The following MINDY4 variants were observed in gnomAD, a reference collection of about 807,000 sequenced individuals.
MINDY4 encodes MINDY lysine 48 deubiquitinase 4.
In MINDY4, 68 loss-of-function variants were observed where a neutral mutation model predicts 87.0. The ratio of observed to expected loss-of-function variants is 0.78; its 90% CI spans 0.64 to 0.96. MINDY4 has a LOEUF of 0.96. MINDY4 is among the 40% of genes least tolerant of loss of function. MINDY4 has a pLI of 0.00. For missense variants in MINDY4, 919 were observed against 928.2 expected, an observed-to-expected ratio of 0.99 and a Z score of 0.13; for synonymous variants, 379 against 363.2, an observed-to-expected ratio of 1.04 and a Z score of -0.50.
At chr7:30,792,841 C>T (rs1787365530) in intron 5 of MINDY4, among the ~76,000 whole-genome samples, 1 of 151,866 alleles carries the variant, frequency 6.6e-6, no homozygotes, top group Admixed American at 6.6e-5. Flanking sequence ...TTGACCTCTG[C>T]TCTTATTTTT....
chr7:30,870,243 T>C (rs532471202), intron 13 of MINDY4, among the ~76,000 whole-genome samples: 4 of 152,342 alleles, frequency 2.6e-5, no homozygotes, highest in South Asian at 2.1e-4. Flanking sequence ...AATGATCTTA[T>C]GAAGATTGGA....
At chr7:30,886,519 C>A (rs1325416718) in intron 17 of MINDY4, among the ~76,000 whole-genome samples, 1 of 152,204 alleles carries the variant, frequency 6.6e-6, no homozygotes, top group Non-Finnish European at 1.5e-5. Flanking sequence ...CTTTTACAGA[C>A]AGGGAGATGG....
chr7:30,860,989 G>A (rs1176732169), intron 13 of MINDY4, among the ~76,000 whole-genome samples: 1 of 151,766 alleles, frequency 6.6e-6, no homozygotes, highest in African/African-American at 2.4e-5. Flanking sequence ...ATGCACATAC[G>A]TGGCCACACA....
chr7:30,781,953 T>C, intron 2 of MINDY4, 24 bp from the exon 3 acceptor site: 1 of 1,494,176 alleles, frequency 6.7e-7, no homozygotes, highest in Non-Finnish European at 9.3e-7. Context: ...AAATTAATGA[T>C]TTTTTTTTCT....
intron 6 of MINDY4, among the ~76,000 whole-genome samples, chr7:30,834,544 G>A (rs1328756506): frequency 3.9e-5 from 6 of 152,232 alleles, no homozygotes; most frequent in African/African-American, 1.2e-4. Context: ...CCCTGGAGAC[G>A]TTTTCCCCAT....
intron 5 of MINDY4, among the ~76,000 whole-genome samples, chr7:30,805,700 C>T (rs531056471): frequency 1.3e-4 from 20 of 152,058 alleles, no homozygotes; most frequent in African/African-American, 4.3e-4. Context: ...CAAAGTGCTC[C>T]GGGGCAGAAA....
intron 1 of MINDY4, among the ~76,000 whole-genome samples, chr7:30,774,408 C>T (rs986235963): frequency 1.3e-5 from 2 of 152,144 alleles, no homozygotes; most frequent in Non-Finnish European, 2.9e-5. Flanking sequence ...GTCTCCTGCA[C>T]CATGCATTTC....
chr7:30,871,374 ATC>A (rs1691929550), intron 13 of MINDY4, among the ~76,000 whole-genome samples: 1 of 152,150 alleles, frequency 6.6e-6, no homozygotes, highest in South Asian at 2.1e-4. Context: ...CAGAGTTTTC[ATC>A]TCTCAGAGGG....
chr7:30,854,923 G>T (rs1275966854), intron 12 of MINDY4, among the ~76,000 whole-genome samples: 1 of 152,240 alleles, frequency 6.6e-6, no homozygotes, highest in Non-Finnish European at 1.5e-5. Context: ...CAAAAGCATG[G>T]ATTAGGATGG....
intron 8 of MINDY4, among the ~76,000 whole-genome samples, chr7:30,840,082 C>T (rs1168568232): frequency 6.6e-6 from 1 of 152,170 alleles, no homozygotes; most frequent in African/African-American, 2.4e-5. Flanking sequence ...AGCACCCCAA[C>T]CTGCCGTTCA....
chr7:30,859,286 G>C lies in MINDY4; in HGVS notation c.1707G>C (p.Leu569=). 1 of 1,614,130 alleles carries C rather than the reference G, an allele frequency of 6.2e-7. No individual in the cohort carries two copies. The highest frequency in any genetic ancestry group is 8.5e-7 in the Non-Finnish European group (1 of 1,180,018). Residue 569 remains leucine (L), a synonymous_variant, in exon 13 of 18, where the codon CTG becomes CTC. Transcript: ENST00000265299. ...AAGTGGGCCCCTATGGCTGCATCCT[G>C]CTCACCCTTTCTGCCATCCTGTCCA... ...QFEVGPYGCI[L]LTLSAILSRS...
intron 5 of MINDY4, among the ~76,000 whole-genome samples, chr7:30,810,982 T>C (rs1787979396): frequency 6.6e-6 from 1 of 152,152 alleles, no homozygotes. Flanking sequence ...TCCACTTTTC[T>C]TTCCCTCAAA....
At chr7:30,808,453 T>G (rs1375467289) in intron 5 of MINDY4, among the ~76,000 whole-genome samples, 1 of 152,186 alleles carries the variant, frequency 6.6e-6, no homozygotes, top group Non-Finnish European at 1.5e-5. Flanking sequence ...TGTAAAAGTG[T>G]GTGTGTGTGG....
At chr7:30,789,479 G>T (rs1584240144) in intron 4 of MINDY4, among the ~76,000 whole-genome samples, 1 of 152,162 alleles carries the variant, frequency 6.6e-6, no homozygotes, top group East Asian at 1.9e-4. Flanking sequence ...AGATTGTTGG[G>T]TATTTCATCA....
intron 17 of MINDY4, among the ~76,000 whole-genome samples, chr7:30,884,672 C>T (rs1186733804): frequency 1.3e-5 from 2 of 152,220 alleles, no homozygotes; most frequent in Non-Finnish European, 1.5e-5. Flanking sequence ...TGGCCCACCA[C>T]CTGAAACCTC....
Position 30,791,297 on chromosome 7 carries a change from TCCC to T in MINDY4, c.799_801del (p.Pro267del). 6.2e-7 allele frequency: 1 copy of T among 1,613,952 alleles called. No individual in the cohort carries two copies. Among genetic ancestry groups the T allele is most frequent in the Non-Finnish European group, 8.5e-7 (1 of 1,179,984 alleles). ...GGACATTCTGGCTTCGAGCAACAGC[TCCC>T]CCTCCAGGACCTCCCTGGGTCAGCT... is the stretch of plus-strand genomic sequence containing the variant. On this transcript the variant is annotated inframe_deletion, in exon 5 of 18. Transcript: ENST00000265299.
At position 30,840,745 on chromosome 7, in the gene MINDY4, T is replaced by C; in HGVS notation, c.1357-15T>C. 1 of 1,612,930 alleles carries C rather than the reference T, an allele frequency of 6.2e-7. No individual in the cohort carries two copies. The highest frequency in any genetic ancestry group is 1.1e-5 in the South Asian group (1 of 90,906). On this transcript the variant is annotated splice_polypyrimidine_tract_variant and intron_variant, in intron 8 of 17. Transcript: ENST00000265299. The stretch of plus-strand genomic sequence containing the variant: ...GGCCAGTTCTCACTGGCAGCAATGG[T>C]CTCATTCTTTGCAGGGTGGTCCTTG...
chr7:30,884,679 C>T (rs1257276424), intron 17 of MINDY4, among the ~76,000 whole-genome samples: 1 of 152,226 alleles, frequency 6.6e-6, no homozygotes, highest in African/African-American at 2.4e-5. Context: ...CCACCTGAAA[C>T]CTCTCCACTG....
chr7:30,840,262 G>A (rs1248185477), intron 8 of MINDY4, among the ~76,000 whole-genome samples: 1 of 152,202 alleles, frequency 6.6e-6, no homozygotes, highest in African/African-American at 2.4e-5. Context: ...TACACCTAAT[G>A]TGGTGCTGAA....
Sources: gnomAD v4.1 joint callset for allele counts (sites outside exome capture counted in the v4.1 genomes callset) on GRCh38, gnomAD v4.1.1 for gene constraint, MANE v1.5 for transcripts, NCBI Gene and HGNC (gene_info 2026-07-23, HGNC 2026-07-21) for gene names.